Variants in POLR1D observed in about 807,000 individuals in gnomAD.
The protein encoded by POLR1D is DNA-directed RNA polymerases I and III subunit RPAC2.
In POLR1D, 8 loss-of-function variants were observed where a neutral mutation model predicts 10.8. That is an observed-to-expected ratio of 0.74 (90% confidence interval 0.43 to 1.33). POLR1D has a LOEUF of 1.33. Ranked by LOEUF, POLR1D falls within the 40% of genes most tolerant of loss-of-function variation. POLR1D has a pLI of 0.01. For synonymous variants in POLR1D, 54 were observed against 57.2 expected (o/e 0.94, Z 0.25); for missense variants, 152 against 161.7 (o/e 0.94, Z 0.32).
At chr13:27,637,799 A>C (rs991425865) in intron 1 of POLR1D, among the ~76,000 whole-genome samples, 1 of 151,014 alleles carries the variant, frequency 6.6e-6, no homozygotes, top group Non-Finnish European at 1.5e-5. Context: ...ACATTAAAAA[A>C]AATTTTTTTT....
chr13:27,665,898 C>T (rs751512677), exon 3 of POLR1D: 2 of 1,614,066 alleles, frequency 1.2e-6, no homozygotes, highest in African/African-American at 1.3e-5. Context: ...AGTTACTCCC[C>T]GCCACGAAAG....
At chr13:27,649,905 C>G (rs1956251400) in intron 2 of POLR1D, 5 of 394,682 alleles carry the variant, frequency 1.3e-5, no homozygotes, top group Non-Finnish European at 2.2e-5. Context: ...TTAGAGGTCA[C>G]AGTCCCCAAG....
At chr13:27,648,010 G>C (rs754381400) in intron 1 of POLR1D, 3 of 201,510 alleles carry the variant, frequency 1.5e-5, no homozygotes, top group Non-Finnish European at 3.0e-5. Context: ...TGAGTTCACT[G>C]GTATTTCTTT....
downstream of POLR1D, among the ~76,000 whole-genome samples, chr13:27,628,318 G>A (rs1009760422): frequency 2.0e-5 from 3 of 152,226 alleles, no homozygotes; most frequent in Non-Finnish European, 2.9e-5. Flanking sequence ...CGGAGGCACA[G>A]TTTAGGGGCC....
At chr13:27,651,427 G>A (rs1392579103) in intron 2 of POLR1D, 1 of 152,054 alleles carries the variant, frequency 6.6e-6, no homozygotes, top group Non-Finnish European at 1.5e-5. Context: ...ATGATATTAA[G>A]GAACTGATGT....
intron 1 of POLR1D, among the ~76,000 whole-genome samples, chr13:27,640,091 A>C (rs755867984): frequency 3.3e-5 from 5 of 152,072 alleles, no homozygotes; most frequent in Non-Finnish European, 5.9e-5. Context: ...TAGAGTTGTG[A>C]GGATTAGCTG....
At chr13:27,658,567 A>G (rs1170974380) in intron 2 of POLR1D, among the ~76,000 whole-genome samples, 2 of 152,246 alleles carry the variant, frequency 1.3e-5, no homozygotes, top group Non-Finnish European at 1.5e-5. Flanking sequence ...TGGATATTCC[A>G]TAAGAAATAG....
chr13:27,652,911 CTT>C (rs71083685), intron 2 of POLR1D, among the ~76,000 whole-genome samples: 6 of 89,332 alleles, frequency 6.7e-5, no homozygotes, highest in African/African-American at 1.5e-4. Flanking sequence ...TTTACCATTT[CTT>C]TTTTTTTTTT....
chr13:27,647,564 T>G lies in POLR1D; in HGVS notation c.27-815T>G, dbSNP rs139140464. On this transcript the variant is annotated intron_variant, in intron 1 of 2. Transcript: ENST00000399697. ...CTATGTAATATATATGTAAATAAAT[T>G]TGAAATTAAGGTTATTCTACACATA... 9.8e-3 allele frequency among the ~76,000 whole-genome samples: 1,489 copies of G among 152,164 alleles called. 29 individuals carry two copies. Among genetic ancestry groups the G allele is most frequent in the African/African-American group, 0.034 (1,401 of 41,502 alleles).
chr13:27,624,167 G>T (rs76673647), downstream of POLR1D, among the ~76,000 whole-genome samples: 44 of 152,104 alleles, frequency 2.9e-4, no homozygotes, highest in Non-Finnish European at 4.9e-4. Context: ...TACTCCTGCC[G>T]TACTCTTAAG....
upstream of POLR1D, chr13:27,621,788 G>A (rs886050103): frequency 6.8e-6 from 3 of 442,528 alleles, no homozygotes; most frequent in African/African-American, 6.2e-5. Flanking sequence ...CGTCGGGGCG[G>A]GGGCTGGGGG....
chr13:27,652,904 A>G (rs1341901693), intron 2 of POLR1D, among the ~76,000 whole-genome samples: 3 of 132,440 alleles, frequency 2.3e-5, no homozygotes, highest in Admixed American at 7.5e-5. Flanking sequence ...AGTTGCATTT[A>G]CCATTTCTTT....
chr13:27,635,033 A>G (rs1956109227), intron 1 of POLR1D, among the ~76,000 whole-genome samples: 1 of 152,108 alleles, frequency 6.6e-6, no homozygotes, highest in Non-Finnish European at 1.5e-5. Flanking sequence ...TCATAAAGAT[A>G]ACAGCTTTGC....
At position 27,663,536 on chromosome 13, in the gene POLR1D, G is replaced by C. The variant is rs767130881; in HGVS notation, c.102-2150G>C. 1.8e-4 allele frequency among the ~76,000 whole-genome samples: 27 copies of C among 152,212 alleles called. No homozygotes were observed. The highest frequency in any genetic ancestry group is 3.7e-4 in the Non-Finnish European group (25 of 68,030). ...GGTTACACTAGCAGTTGGAAGATAGGTGCAGTCCCCTCTGCCTCTTGGCGT... is the reference window on the plus strand; with the variant it reads ...GGTTACACTAGCAGTTGGAAGATAGCTGCAGTCCCCTCTGCCTCTTGGCGT... On this transcript the variant is annotated intron_variant, in intron 2 of 2. Coordinates refer to the POLR1D transcript ENST00000399697. The surrounding 1 kb of genome is among the most constrained non-coding windows in gnomAD (Gnocchi z 4.1).
chr13:27,652,390 G>T (rs1056853222), intron 2 of POLR1D, among the ~76,000 whole-genome samples: 7 of 152,190 alleles, frequency 4.6e-5, no homozygotes, highest in African/African-American at 1.4e-4. Flanking sequence ...GGGCATTGAT[G>T]TACTCTTTAG....
At chr13:27,624,084 AAC>A (rs1955981852), downstream of POLR1D, among the ~76,000 whole-genome samples, 1 of 152,172 alleles carries the variant, frequency 6.6e-6, no homozygotes, top group African/African-American at 2.4e-5. Flanking sequence ...TGTTTTGGAA[AAC>A]ACATATCCCA....
intron 2 of POLR1D, among the ~76,000 whole-genome samples, chr13:27,657,814 T>C (rs1007334080): frequency 6.6e-6 from 1 of 152,208 alleles, no homozygotes; most frequent in Non-Finnish European, 1.5e-5. Flanking sequence ...TCTGTGTTGC[T>C]CTGGAAGCAG....
chr13:27,644,924 A>G (rs894478935), intron 1 of POLR1D, among the ~76,000 whole-genome samples: 1 of 152,200 alleles, frequency 6.6e-6, no homozygotes, highest in Non-Finnish European at 1.5e-5. Context: ...TGGATTTATA[A>G]TTTCCTTACC....
At chr13:27,657,928 G>T (rs1458019760) in intron 2 of POLR1D, among the ~76,000 whole-genome samples, 1 of 152,170 alleles carries the variant, frequency 6.6e-6, no homozygotes, top group Non-Finnish European at 1.5e-5. Flanking sequence ...ATGAAAGGAG[G>T]TCTGGACCCA....
Sources: allele counts gnomAD v4.1 joint callset (sites outside exome capture counted in the v4.1 genomes callset), GRCh38; gene constraint gnomAD v4.1.1; non-coding constraint Gnocchi (gnomAD v3.1); transcripts MANE v1.5; gene names NCBI Gene and HGNC (gene_info 2026-07-23, HGNC 2026-07-21).